ARHGEF26: variants seen among roughly 807,000 people sequenced by gnomAD.
ARHGEF26 encodes Rho guanine nucleotide exchange factor (GEF) 26.
In ARHGEF26, 59 loss-of-function variants were observed where a neutral mutation model predicts 89.4. The ratio of observed to expected loss-of-function variants is 0.66; its 90% CI spans 0.54 to 0.82. The LOEUF (loss-of-function observed/expected upper bound fraction) is 0.82, where lower values mean the gene tolerates loss of function less well. Ranked by LOEUF, ARHGEF26 falls within the 40% of genes least tolerant of loss-of-function variation. ARHGEF26 has a pLI of 0.00. For synonymous variants in ARHGEF26, 500 were observed against 428.4 expected (o/e 1.17, Z -2.06); for missense variants, 1,234 against 1,085.6 (o/e 1.14, Z -1.92).
intron 9 of ARHGEF26, among the ~76,000 whole-genome samples, chr3:154,211,650 G>A (rs1317488417): frequency 6.6e-6 from 1 of 152,208 alleles, no homozygotes; most frequent in Non-Finnish European, 1.5e-5. Flanking sequence ...TGTTTTCTCT[G>A]TGTAGATAGT....
intron 10 of ARHGEF26, among the ~76,000 whole-genome samples, chr3:154,220,844 T>C (rs1175763832): frequency 6.6e-6 from 1 of 152,036 alleles, no homozygotes; most frequent in African/African-American, 2.4e-5. Flanking sequence ...AAAATTTCTC[T>C]ATAGAGGGAA....
At chr3:154,227,043 A>G (rs913240699) in intron 11 of ARHGEF26, among the ~76,000 whole-genome samples, 1 of 152,150 alleles carries the variant, frequency 6.6e-6, no homozygotes, top group African/African-American at 2.4e-5. Flanking sequence ...CTAAATTAAA[A>G]CAGATTGAGT....
Position 154,217,854 on chromosome 3 carries a change from C to A in ARHGEF26, c.1846-15C>A. 6.3e-7 allele frequency: 1 copy of A among 1,580,926 alleles called. No homozygotes were observed. The highest frequency in any genetic ancestry group is 2.3e-5 in the East Asian group (1 of 43,804). On this transcript the variant is annotated splice_polypyrimidine_tract_variant and intron_variant, in intron 9 of 14. Transcript: ENST00000465093. ...TCCTTGACCTTTAACCCTCGTTACT[C>A]TTCTGTGTTCCCAGTTGGTTCGACT...
chr3:154,135,373 CATA>C (rs1718940584), intron 4 of ARHGEF26, among the ~76,000 whole-genome samples: 1 of 152,072 alleles, frequency 6.6e-6, no homozygotes, highest in South Asian at 2.1e-4. Flanking sequence ...TAGAGGTATT[CATA>C]ATGTTTTCTG....
chr3:154,210,689 C>G (rs1193940428), intron 9 of ARHGEF26, among the ~76,000 whole-genome samples: 1 of 151,748 alleles, frequency 6.6e-6, no homozygotes, highest in Non-Finnish European at 1.5e-5. Context: ...CACCTGTAAT[C>G]CCAGCACATT....
rs1338849555 is a variant in ARHGEF26 at position 154,228,731 on chromosome 3, T to G, written c.2090+2721T>G. Among the ~76,000 whole-genome samples, 3 of 26,460 alleles carry G rather than the reference T, an allele frequency of 1.1e-4. No individual in the cohort carries two copies. The African/African-American group carries it at 1.2e-3, about 11-fold the overall frequency. 17.4% of individuals were successfully genotyped at this position (26,460 alleles called of 152,430 possible). A position where few individuals can be genotyped will look rare whatever the true frequency, so the allele number is the denominator to read the frequency against. On this transcript the variant is annotated intron_variant, in intron 11 of 14. Coordinates refer to ENST00000465093, the MANE Select transcript of ARHGEF26 (RefSeq NM_015595.4). ...GCCTGACCGTATTTACATGATAGCTTCAAGGAGGCGAACTGCAAATGCTTT... is the reference window on the plus strand; with the variant it reads ...GCCTGACCGTATTTACATGATAGCTGCAAGGAGGCGAACTGCAAATGCTTT...
At chr3:154,254,335 T>C (rs975806238) in intron 13 of ARHGEF26, among the ~76,000 whole-genome samples, 6 of 152,212 alleles carry the variant, frequency 3.9e-5, no homozygotes, top group African/African-American at 1.4e-4. Flanking sequence ...GGAGACACTC[T>C]GATGAGAGCC....
intron 4 of ARHGEF26, among the ~76,000 whole-genome samples, chr3:154,133,645 T>A (rs776797604): frequency 9.9e-5 from 15 of 152,084 alleles, no homozygotes; most frequent in Admixed American, 4.6e-4. Context: ...GGTAGTGTGA[T>A]GCCTCCGGCT....
intron 14 of ARHGEF26, among the ~76,000 whole-genome samples, chr3:154,255,074 C>G (rs1331538453): frequency 6.6e-6 from 1 of 152,108 alleles, no homozygotes; most frequent in Admixed American, 6.5e-5. Context: ...TTCCTGCTAT[C>G]CTTTACCCAA....
At chr3:154,131,852 C>A (rs1043994857) in intron 4 of ARHGEF26, among the ~76,000 whole-genome samples, 1 of 152,128 alleles carries the variant, frequency 6.6e-6, no homozygotes, top group East Asian at 1.9e-4. Context: ...AATGTATATA[C>A]AATTAAATAA....
intron 6 of ARHGEF26, among the ~76,000 whole-genome samples, chr3:154,160,083 C>A (rs1310142758): frequency 6.6e-6 from 1 of 152,132 alleles, no homozygotes; most frequent in African/African-American, 2.4e-5. Flanking sequence ...ATTTCTTCAA[C>A]TGACAGTTGA....
chr3:154,127,062 T>A (rs1233402548), intron 3 of ARHGEF26, among the ~76,000 whole-genome samples: 1 of 152,222 alleles, frequency 6.6e-6, no homozygotes, highest in African/African-American at 2.4e-5. Flanking sequence ...TTACCGTGAA[T>A]GGAGCTTGCA....
At position 154,121,435 on chromosome 3, in the gene ARHGEF26, C is replaced by G. The variant is rs1717898278; in HGVS notation, c.-136C>G. The stretch of plus-strand genomic sequence containing the variant: ...GTCGGCGGCAGCGCTCTCCTAAGCT[C>G]TCGCGGCTGCGCTTCGGTCCCGGAC... On this transcript the variant is annotated 5_prime_UTR_variant, in exon 1 of 15. Coordinates refer to ENST00000465093, the MANE Select transcript of ARHGEF26 (RefSeq NM_015595.4). The G allele has an allele frequency of 6.6e-6, 1 of 152,408 alleles. No individual in the cohort carries two copies. Among genetic ancestry groups the G allele is most frequent in the Non-Finnish European group, 1.5e-5 (1 of 68,234 alleles). The allele number at this position is 152,408 out of a possible 1,614,324, so 9.4% of individuals were successfully genotyped here. A position where few individuals can be genotyped will look rare whatever the true frequency, so the allele number is the denominator to read the frequency against.
At chr3:154,138,068 T>A (rs984859834) in intron 4 of ARHGEF26, among the ~76,000 whole-genome samples, 1 of 151,942 alleles carries the variant, frequency 6.6e-6, no homozygotes, top group Non-Finnish European at 1.5e-5. Context: ...ATGTGTCTTA[T>A]AAGTCATTTC....
rs890580166 is a variant in ARHGEF26, at chr3:154,257,238, T to C, written c.*1765T>C. On this transcript the variant is annotated 3_prime_UTR_variant, in exon 15 of 15. Transcript: ENST00000465093. The stretch of plus-strand genomic sequence containing the variant: ...GTGCATACCTTCTAATTGTAAAATA[T>C]ATTTCAGACCGTGAGTACCTTGAGA... 50 of 255,868 alleles carry C rather than the reference T, an allele frequency of 2.0e-4. No homozygotes were observed. The highest frequency in any genetic ancestry group is 1.0e-3 in the African/African-American group (46 of 45,096). 15.8% of individuals were successfully genotyped at this position (255,868 alleles called of 1,614,324 possible). A position where few individuals can be genotyped will look rare whatever the true frequency, so the allele number is the denominator to read the frequency against.
intron 6 of ARHGEF26, among the ~76,000 whole-genome samples, chr3:154,170,527 C>CT (rs748056187): frequency 7.9e-5 from 12 of 152,178 alleles, no homozygotes; most frequent in Non-Finnish European, 8.8e-5. Flanking sequence ...AGCATGGTGA[C>CT]TAAGAGTGTC....
At chr3:154,134,786 A>T (rs1718904781) in intron 4 of ARHGEF26, among the ~76,000 whole-genome samples, 1 of 151,546 alleles carries the variant, frequency 6.6e-6, no homozygotes, top group Non-Finnish European at 1.5e-5. Context: ...TTTTTTTAAC[A>T]TGAATCAATG....
At chr3:154,212,511 A>G (rs1715439037) in intron 9 of ARHGEF26, among the ~76,000 whole-genome samples, 1 of 150,878 alleles carries the variant, frequency 6.6e-6, no homozygotes, top group Non-Finnish European at 1.5e-5. Flanking sequence ...TTAGCATATG[A>G]CTGTAAAGGA....
At chr3:154,186,621 G>A (rs1277799464) in intron 6 of ARHGEF26, among the ~76,000 whole-genome samples, 1 of 151,854 alleles carries the variant, frequency 6.6e-6, no homozygotes, top group African/African-American at 2.4e-5. Context: ...AATTAGCCAG[G>A]CATGGTGGCA....
Sources: gnomAD v4.1 joint callset for allele counts (sites outside exome capture counted in the v4.1 genomes callset) on GRCh38, gnomAD v4.1.1 for gene constraint, MANE v1.5 for transcripts, NCBI Gene and HGNC (gene_info 2026-07-23, HGNC 2026-07-21) for gene names.